The following KHDRBS2 variants were observed in gnomAD, a reference collection of about 807,000 sequenced individuals.
The protein encoded by KHDRBS2 is KH RNA binding domain containing, signal transduction associated 2, also known as KH domain-containing, RNA-binding, signal transduction-associated protein 2.
A neutral mutation model predicts 44.3 loss-of-function variants in KHDRBS2; 26 were observed. That is an observed-to-expected ratio of 0.59 (90% CI 0.43 to 0.81). The LOEUF (loss-of-function observed/expected upper bound fraction) is 0.81, where lower values mean the gene tolerates loss of function less well. Among genes scored for constraint, KHDRBS2 ranks in the 40% least tolerant of loss-of-function variants. The probability of loss-of-function intolerance (pLI) is 0.00; values close to 1 mark genes in which losing one functional copy is unlikely to be tolerated. For missense variants in KHDRBS2, 476 were observed against 433.1 expected, an observed-to-expected ratio of 1.10 and a Z score of -0.88; for synonymous variants, 194 against 151.1, an observed-to-expected ratio of 1.28 and a Z score of -2.08.
chr6:62,027,224 TC>T (rs1347105370), intron 3 of KHDRBS2, among the ~76,000 whole-genome samples: 4 of 152,090 alleles, frequency 2.6e-5, no homozygotes, highest in African/African-American at 9.6e-5. Context: ...ACAAACATTA[TC>T]ATTATAAAAT....
intron 1 of KHDRBS2, among the ~76,000 whole-genome samples, chr6:62,209,527 A>G: frequency 9.5e-6 from 1 of 105,052 alleles, no homozygotes; most frequent in Admixed American, 8.8e-5. Flanking sequence ...TGAGAATGCT[A>G]CACAGATTGC....
intron 6 of KHDRBS2, among the ~76,000 whole-genome samples, chr6:61,761,311 A>G (rs930497149): frequency 2.6e-5 from 4 of 152,222 alleles, no homozygotes; most frequent in African/African-American, 7.2e-5. Context: ...ACTAACATGT[A>G]AATGTTTTAG....
intron 6 of KHDRBS2, among the ~76,000 whole-genome samples, chr6:61,844,758 T>A (rs538158145): frequency 7.0e-6 from 1 of 143,774 alleles, no homozygotes; most frequent in Non-Finnish European, 1.5e-5. Flanking sequence ...CTGTCCTTCT[T>A]CTGAAATCAT....
chr6:61,586,758 A>G, the KHDRBS2 span, among the ~76,000 whole-genome samples: 89,867 of 151,934 alleles, frequency 0.59, 26,794 homozygotes, highest in African/African-American at 0.61. Context: ...CCAGCCCAGA[A>G]AAAAAAGAAA....
chr6:61,894,311 T>C (rs1802517883), intron 6 of KHDRBS2, among the ~76,000 whole-genome samples: 1 of 152,162 alleles, frequency 6.6e-6, no homozygotes, highest in South Asian at 2.1e-4. Context: ...CTTTGTCAAG[T>C]TCCAGAAATC....
chr6:62,196,155 C>T (rs1404310714), intron 1 of KHDRBS2, among the ~76,000 whole-genome samples: 1 of 152,066 alleles, frequency 6.6e-6, no homozygotes, highest in Non-Finnish European at 1.5e-5. Context: ...TTTGAAATCC[C>T]TGTATAGACT....
At chr6:62,190,606 A>C (rs1309807243) in intron 1 of KHDRBS2, among the ~76,000 whole-genome samples, 1 of 152,050 alleles carries the variant, frequency 6.6e-6, no homozygotes, top group Non-Finnish European at 1.5e-5. Context: ...AGCCCAAACT[A>C]CCTTCCTGGG....
chr6:61,687,078 A>G (rs1766897030), intron 8 of KHDRBS2, among the ~76,000 whole-genome samples: 1 of 151,740 alleles, frequency 6.6e-6, no homozygotes, highest in African/African-American at 2.4e-5. Context: ...ACTGTACAAC[A>G]TGTATTCCCA....
intron 4 of KHDRBS2, among the ~76,000 whole-genome samples, chr6:61,961,315 C>A (rs1274469303): frequency 6.7e-6 from 1 of 150,306 alleles, no homozygotes; most frequent in East Asian, 2.0e-4. Context: ...AGATAATAAA[C>A]AACAGCAATA....
intron 1 of KHDRBS2, among the ~76,000 whole-genome samples, chr6:62,218,237 A>C (rs1238032798): frequency 2.0e-5 from 3 of 151,948 alleles, no homozygotes; most frequent in Admixed American, 6.6e-5. Context: ...TGAGTAGACG[A>C]GAACAATCCC....
At chr6:61,909,158 C>T (rs376257899) in intron 4 of KHDRBS2, among the ~76,000 whole-genome samples, 1 of 151,886 alleles carries the variant, frequency 6.6e-6, no homozygotes, top group African/African-American at 2.4e-5. Context: ...ACTCCACCTC[C>T]TAGGCTCAAG....
chr6:61,895,859 T>A (rs1416649864), intron 5 of KHDRBS2, among the ~76,000 whole-genome samples: 1 of 152,176 alleles, frequency 6.6e-6, no homozygotes, highest in Admixed American at 6.5e-5. Context: ...CTGTCTGCTA[T>A]GAATAGCAGT....
the KHDRBS2 span, among the ~76,000 whole-genome samples, chr6:61,618,492 G>A: frequency 6.6e-6 from 1 of 151,896 alleles, no homozygotes; most frequent in Admixed American, 6.6e-5. Context: ...TTAAGTTCAG[G>A]GGTACAAGTG....
At chr6:61,584,838 A>G in the KHDRBS2 span, among the ~76,000 whole-genome samples, 1 of 151,840 alleles carries the variant, frequency 6.6e-6, no homozygotes, top group African/African-American at 2.4e-5. Flanking sequence ...AGAGTTTTGC[A>G]TGTTTTTTTC....
intron 7 of KHDRBS2, among the ~76,000 whole-genome samples, chr6:61,699,168 A>G (rs1197240225): frequency 6.6e-6 from 1 of 152,104 alleles, no homozygotes; most frequent in Non-Finnish European, 1.5e-5. Flanking sequence ...CTGCTCAATG[A>G]ATATTTATAG....
chr6:61,803,561 G>A (rs1354900708), intron 6 of KHDRBS2, among the ~76,000 whole-genome samples: 1 of 151,968 alleles, frequency 6.6e-6, no homozygotes, highest in Non-Finnish European at 1.5e-5. Context: ...AATACTATTG[G>A]GCAGTGTATT....
intron 6 of KHDRBS2, among the ~76,000 whole-genome samples, chr6:61,825,893 T>A (rs759818218): frequency 3.9e-5 from 6 of 152,254 alleles, no homozygotes; most frequent in South Asian, 2.1e-4. Context: ...ATTTAAAAAA[T>A]TTTTAGAGCA....
chr6:61,824,313 C>A (rs1345701376), intron 6 of KHDRBS2, among the ~76,000 whole-genome samples: 1 of 152,054 alleles, frequency 6.6e-6, no homozygotes, highest in Non-Finnish European at 1.5e-5. Flanking sequence ...TGTGCTGTCT[C>A]GTGATAGAGT....
intron 2 of KHDRBS2, among the ~76,000 whole-genome samples, chr6:62,064,218 C>G (rs972891265): frequency 5.1e-5 from 7 of 137,182 alleles, no homozygotes; most frequent in Non-Finnish European, 9.6e-5. Context: ...AGGTAATTTA[C>G]AGATTCAATG....
Sources: gnomAD v4.1 joint callset for allele counts (sites outside exome capture counted in the v4.1 genomes callset) on GRCh38, gnomAD v4.1.1 for gene constraint, MANE v1.5 for transcripts, NCBI Gene and HGNC (gene_info 2026-07-23, HGNC 2026-07-21) for gene names.